The following TEX11 variants were observed in gnomAD, a reference collection of about 807,000 sequenced individuals.
TEX11 encodes the protein testis-expressed protein 11.
A neutral mutation model predicts 84.4 loss-of-function variants in TEX11; 7 were observed. The ratio of observed to expected loss-of-function variants is 0.08; its 90% CI spans 0.05 to 0.16. The LOEUF (loss-of-function observed/expected upper bound fraction) is 0.16, where lower values mean the gene tolerates loss of function less well. Among genes scored for constraint, TEX11 ranks in the 10% least tolerant of loss-of-function variants. The pLI is 1.00. For missense variants in TEX11, 551 were observed against 660.5 expected (o/e 0.83, Z 1.82); for synonymous variants, 264 against 222.8 (o/e 1.18, Z -1.64).
chrX:70,582,664 TA>T (rs946323987), intron 25 of TEX11, among the ~76,000 whole-genome samples: 1 of 111,427 alleles, frequency 9.0e-6, no homozygotes, highest in African/African-American at 3.3e-5. Flanking sequence ...GTCAAAGAGC[TA>T]AAGTTCTTTA....
chrX:70,737,392 G>A (rs773279361), intron 11 of TEX11, among the ~76,000 whole-genome samples: 1 of 110,790 alleles, frequency 9.0e-6, no homozygotes, highest in South Asian at 3.8e-4. Flanking sequence ...GTTAATTAGA[G>A]TACTTGGGGG....
chrX:70,644,521 C>G (rs1249022592), intron 17 of TEX11, among the ~76,000 whole-genome samples: 5 of 108,437 alleles, frequency 4.6e-5, no homozygotes, highest in African/African-American at 1.7e-4. Context: ...TGGAACCAAC[C>G]CAAATGTCCA....
At chrX:70,734,146 C>T (rs1448817663) in intron 11 of TEX11, among the ~76,000 whole-genome samples, 2 of 109,796 alleles carry the variant, frequency 1.8e-5, no homozygotes, top group African/African-American at 6.6e-5. Context: ...ACAACCAGGG[C>T]CTGTTGTGGG....
chrX:70,715,562 C>T (rs2147708108), intron 13 of TEX11, among the ~76,000 whole-genome samples: 1 of 111,913 alleles, frequency 8.9e-6, no homozygotes, highest in African/African-American at 3.2e-5. Flanking sequence ...TACTGATACC[C>T]TTTCTTCCAG....
At chrX:70,787,218 C>T (rs963928124) in intron 9 of TEX11, among the ~76,000 whole-genome samples, 1 of 112,399 alleles carries the variant, frequency 8.9e-6, no homozygotes, top group Non-Finnish European at 1.9e-5. Flanking sequence ...AAGAACGTAT[C>T]TTAACACAAT....
intron 25 of TEX11, among the ~76,000 whole-genome samples, chrX:70,555,372 T>A (rs1317201096): frequency 8.9e-6 from 1 of 112,314 alleles, no homozygotes; most frequent in Non-Finnish European, 1.9e-5. Flanking sequence ...TCTTGGTAGA[T>A]TGAACATTGA....
intron 9 of TEX11, among the ~76,000 whole-genome samples, chrX:70,793,295 C>T (rs1054134379): frequency 7.2e-5 from 8 of 111,707 alleles, no homozygotes; most frequent in Admixed American, 6.6e-4. Flanking sequence ...CAAACAAGGA[C>T]GCCCACACTC....
intron 17 of TEX11, among the ~76,000 whole-genome samples, chrX:70,633,429 A>T: frequency 8.9e-6 from 1 of 111,989 alleles, no homozygotes; most frequent in East Asian, 2.8e-4. Flanking sequence ...TACAGCTAAC[A>T]TACTTACTGG....
rs1363790077 is a variant in TEX11, at chrX:70,748,603, T to TGTAA, written c.693-4388_693-4385dup. Among the ~76,000 whole-genome samples the TGTAA allele has an allele frequency of 2.8e-5, 3 of 107,756 alleles. No individual in the cohort carries two copies. The Admixed American group carries it at 3.0e-4, about 11-fold the overall frequency. The allele number at this position is 107,756 out of a possible 115,157, so 93.6% of individuals were successfully genotyped here. The stretch of plus-strand genomic sequence containing the variant: ...ATCTTGAATTGATTTTTGTATAAGG[T>TGTAA]GTAAGGAAGGGATCCAGTTTCAGCT... On this transcript the variant is annotated intron_variant, in intron 9 of 29. Transcript: ENST00000374333.
chrX:70,522,594 C>T, the TEX11 span, among the ~76,000 whole-genome samples: 2 of 111,580 alleles, frequency 1.8e-5, no homozygotes, highest in South Asian at 3.8e-4. Flanking sequence ...AGTGCAATGG[C>T]GCAATCTCAG....
intron 3 of TEX11, among the ~76,000 whole-genome samples, chrX:70,876,575 G>A (rs939278259): frequency 9.0e-6 from 1 of 111,476 alleles, no homozygotes; most frequent in Non-Finnish European, 1.9e-5. Context: ...ATGAAGATTA[G>A]ACTTTCCAGA....
chrX:70,649,578 C>A lies in TEX11; in HGVS notation c.1483+1872G>T, dbSNP rs190891150. Among the ~76,000 whole-genome samples the A allele has an allele frequency of 3.6e-5, 4 of 111,799 alleles. No homozygotes were observed. In the Admixed American group the frequency reaches 3.8e-4, roughly 11 times the overall value. On this transcript the variant is annotated intron_variant, in intron 17 of 29. Coordinates refer to ENST00000374333, the MANE Select transcript of TEX11 (RefSeq NM_031276.3). ...TGTATTTACCATATAAGTCCACAGT[C>A]CCACTCCTAGATATTTACCCTACAG...
At chrX:70,515,998 T>C in the TEX11 span, among the ~76,000 whole-genome samples, 1 of 112,245 alleles carries the variant, frequency 8.9e-6, no homozygotes, top group African/African-American at 3.2e-5. Context: ...TTTGTTTGAG[T>C]TCATTGTAGA....
At chrX:70,672,644 T>G (rs749853053) in intron 15 of TEX11, among the ~76,000 whole-genome samples, 28 of 111,651 alleles carry the variant, frequency 2.5e-4, no homozygotes, top group Admixed American at 3.8e-4. Context: ...TATATCCCTT[T>G]TTGGTGAAAT....
At chrX:70,894,094 C>A (rs1323329508) in intron 2 of TEX11, among the ~76,000 whole-genome samples, 2 of 110,638 alleles carry the variant, frequency 1.8e-5, no homozygotes, top group East Asian at 5.7e-4. Context: ...GCCTAGCAAC[C>A]AAAAAAATCC....
chrX:70,831,642 G>A (rs1338863296), intron 8 of TEX11, among the ~76,000 whole-genome samples: 1 of 110,845 alleles, frequency 9.0e-6, no homozygotes, highest in East Asian at 2.8e-4. Context: ...AATAAAAGGG[G>A]AGGGGTTACA....
At chrX:70,582,552 A>ACTC (rs1382615786) in intron 25 of TEX11, among the ~76,000 whole-genome samples, 4 of 110,081 alleles carry the variant, frequency 3.6e-5, no homozygotes, top group African/African-American at 1.3e-4. Flanking sequence ...TAGATAGCAG[A>ACTC]CTCTGTGTTT....
intron 2 of TEX11, 120 bp from the exon 3 acceptor site, chrX:70,880,229 A>T: frequency 2.3e-6 from 1 of 433,239 alleles, no homozygotes; most frequent in Non-Finnish European, 3.5e-6. Flanking sequence ...AAGGAACTTG[A>T]TCCTTAGAGT....
intron 17 of TEX11, among the ~76,000 whole-genome samples, chrX:70,634,194 G>T (rs1042712015): frequency 1.8e-5 from 2 of 111,736 alleles, no homozygotes; most frequent in African/African-American, 6.5e-5. Context: ...ATGAAAAGTA[G>T]AAAACATTGC....
Sources: gnomAD v4.1 joint callset for allele counts (sites outside exome capture counted in the v4.1 genomes callset) on GRCh38, gnomAD v4.1.1 for gene constraint, MANE v1.5 for transcripts, NCBI Gene and HGNC (gene_info 2026-07-23, HGNC 2026-07-21) for gene names.